Variants in GPM6A observed in about 807,000 individuals in gnomAD.
GPM6A encodes glycoprotein M6A.
In GPM6A, 7 loss-of-function variants were observed where a neutral mutation model predicts 32.1. The observed-to-expected ratio is 0.22, with a 90% CI of 0.12 to 0.41. The LOEUF (loss-of-function observed/expected upper bound fraction) is 0.41, where lower values mean the gene tolerates loss of function less well. Among genes scored for constraint, GPM6A ranks in the 10% least tolerant of loss-of-function variants. The pLI is 1.00. For synonymous variants in GPM6A, 130 were observed against 123.4 expected (o/e 1.05, Z -0.35); for missense variants, 235 against 347.2 (o/e 0.68, Z 2.57).
intron 1 of GPM6A, among the ~76,000 whole-genome samples, chr4:175,713,721 C>T (rs1745678532): frequency 6.6e-6 from 1 of 152,136 alleles, no homozygotes. Context: ...TTAAACAAAT[C>T]AGTTACTAAT....
intron 1 of GPM6A, among the ~76,000 whole-genome samples, chr4:175,750,797 T>C (rs1358523484): frequency 6.6e-6 from 1 of 152,046 alleles, no homozygotes; most frequent in African/African-American, 2.4e-5. Context: ...TGGTCTCAAC[T>C]CCTGACCTCA....
At chr4:175,997,140 C>T (rs1317944065) in intron 1 of GPM6A, among the ~76,000 whole-genome samples, 2 of 152,096 alleles carry the variant, frequency 1.3e-5, no homozygotes, top group African/African-American at 4.8e-5. Flanking sequence ...GGCTGAATCC[C>T]CTGCTGTCAT....
intron 1 of GPM6A, among the ~76,000 whole-genome samples, chr4:175,897,080 A>C (rs1249477004): frequency 6.6e-6 from 1 of 152,162 alleles, no homozygotes; most frequent in Non-Finnish European, 1.5e-5. Context: ...AATACAGGGA[A>C]TAAGATGAAT....
At chr4:175,728,777 C>T (rs1409430267) in intron 1 of GPM6A, among the ~76,000 whole-genome samples, 3 of 152,156 alleles carry the variant, frequency 2.0e-5, no homozygotes, top group African/African-American at 4.8e-5. Flanking sequence ...CTGACAGTTT[C>T]CTTTCAATCT....
intron 1 of GPM6A, among the ~76,000 whole-genome samples, chr4:175,989,973 C>T (rs1000738958): frequency 6.6e-6 from 1 of 152,120 alleles, no homozygotes; most frequent in African/African-American, 2.4e-5. Context: ...AGTAGATCAA[C>T]AAAGCAATCC....
intron 2 of GPM6A, among the ~76,000 whole-genome samples, chr4:175,686,025 G>A (rs1743961226): frequency 6.6e-6 from 1 of 152,118 alleles, no homozygotes; most frequent in African/African-American, 2.4e-5. Context: ...AATGTTCCAA[G>A]ATGCTGCTTA....
chr4:175,823,158 C>A (rs1204180217), intron 1 of GPM6A, among the ~76,000 whole-genome samples: 1 of 152,142 alleles, frequency 6.6e-6, no homozygotes, highest in Admixed American at 6.6e-5. Context: ...GAATGAGGAA[C>A]TGAGATTTGA....
At chr4:175,683,619 C>T (rs1161953582) in intron 2 of GPM6A, among the ~76,000 whole-genome samples, 2 of 151,956 alleles carry the variant, frequency 1.3e-5, no homozygotes, top group Non-Finnish European at 2.9e-5. Context: ...TCTCTCATGG[C>T]TTGGTGCTAT....
At chr4:175,650,674 C>T (rs1172512372) in intron 4 of GPM6A, among the ~76,000 whole-genome samples, 1 of 152,130 alleles carries the variant, frequency 6.6e-6, no homozygotes, top group Non-Finnish European at 1.5e-5. Flanking sequence ...CTGAAGGCTT[C>T]ATCTTGTAGG....
At chr4:175,976,462 A>G (rs1872462) in intron 1 of GPM6A, among the ~76,000 whole-genome samples, 147,405 of 152,146 alleles carry the variant, frequency 0.97, 71,581 homozygotes, top group East Asian at 1. Flanking sequence ...CACCACGCCC[A>G]GCCAATATGT....
intron 1 of GPM6A, among the ~76,000 whole-genome samples, chr4:175,954,519 A>G (rs190152039): frequency 1.2e-4 from 18 of 152,346 alleles, no homozygotes; most frequent in Admixed American, 1.1e-3. Context: ...GTGGCTAGCA[A>G]ATAATATATA....
intron 1 of GPM6A, among the ~76,000 whole-genome samples, chr4:175,905,254 C>T (rs964628410): frequency 6.6e-6 from 1 of 152,174 alleles, no homozygotes; most frequent in Non-Finnish European, 1.5e-5. Flanking sequence ...GTTGCTGTCT[C>T]TGGGCTGAGC....
intron 1 of GPM6A, among the ~76,000 whole-genome samples, chr4:175,784,287 A>G (rs550119272): frequency 6.6e-6 from 1 of 152,168 alleles, no homozygotes; most frequent in African/African-American, 2.4e-5. Flanking sequence ...CAGGTCATGT[A>G]AAACAAAGAA....
intron 1 of GPM6A, among the ~76,000 whole-genome samples, chr4:175,743,204 T>C (rs1162997240): frequency 2.2e-5 from 3 of 135,794 alleles, no homozygotes; most frequent in South Asian, 2.5e-4. Flanking sequence ...AAAAAAAAAG[T>C]ATGTGGTTCA....
At chr4:175,713,479 C>A (rs1179380638) in intron 1 of GPM6A, among the ~76,000 whole-genome samples, 1 of 152,148 alleles carries the variant, frequency 6.6e-6, no homozygotes, top group African/African-American at 2.4e-5. Flanking sequence ...GTGTGAGCCA[C>A]GGAGCCCTGC....
At chr4:175,902,698 C>T (rs1288592371) in intron 1 of GPM6A, among the ~76,000 whole-genome samples, 1 of 151,946 alleles carries the variant, frequency 6.6e-6, no homozygotes, top group East Asian at 1.9e-4. Context: ...TCTATAAAAC[C>T]CCGTGCATTT....
chr4:175,770,487 C>A (rs908504828), intron 1 of GPM6A, among the ~76,000 whole-genome samples: 1 of 152,144 alleles, frequency 6.6e-6, no homozygotes, highest in Non-Finnish European at 1.5e-5. Context: ...GCTTTTTATG[C>A]CTCAGAATGA....
At chr4:175,813,171 T>C, upstream of GPM6A, 6 of 655,222 alleles carry the variant, frequency 9.2e-6, no homozygotes, top group Non-Finnish European at 1.1e-5. Flanking sequence ...TGGTTTCCAA[T>C]GAGAATCTCT....
chr4:175,813,272 C>T (rs1735000249), upstream of GPM6A, among the ~76,000 whole-genome samples: 1 of 152,140 alleles, frequency 6.6e-6, no homozygotes, highest in Non-Finnish European at 1.5e-5. Flanking sequence ...AAGAGGATAG[C>T]AATTTATAAT....
Sources: allele counts gnomAD v4.1 joint callset (sites outside exome capture counted in the v4.1 genomes callset), GRCh38; gene constraint gnomAD v4.1.1; transcripts MANE v1.5; gene names NCBI Gene and HGNC (gene_info 2026-07-23, HGNC 2026-07-21).